CHST5: variants seen among roughly 807,000 people sequenced by gnomAD.
CHST5 encodes the protein carbohydrate sulfotransferase 5.
For synonymous variants in CHST5, 313 were observed against 279.2 expected, an observed-to-expected ratio of 1.12 and a Z score of -1.21; for missense variants, 637 against 602.1, an observed-to-expected ratio of 1.06 and a Z score of -0.61.
chr16:75,531,234 A>C lies in CHST5; in HGVS notation c.-850T>G, dbSNP rs149460876. On this transcript the variant is annotated 5_prime_UTR_variant, in exon 4 of 4. Coordinates refer to ENST00000336257, the MANE Select transcript of CHST5 (RefSeq NM_024533.5). The stretch of plus-strand genomic sequence containing the variant: ...CTACTCGGGAGGCTGAGGCAGGAGA[A>C]TGGCGTGAACCTGGGAGGCAGAGGT... The C allele has an allele frequency of 0.17, 97,537 of 558,726 alleles. 9,141 individuals are homozygous for C. Among genetic ancestry groups the C allele is most frequent in the East Asian group, 0.2 (1,335 of 6,666 alleles). The allele number at this position is 558,726 out of a possible 1,614,324, so 34.6% of individuals were successfully genotyped here.
In CHST5 at chr16:75,530,882, G is replaced by A. The variant is rs1448593630; in HGVS notation, c.-498C>T. On this transcript the variant is annotated 5_prime_UTR_variant, in exon 4 of 4. Transcript: ENST00000336257. ...CCGTGTGTGAAAGAGGGATAATTCC[G>A]GTACCTGGCTCACAGGATCTGGGGG... 7.0e-6 allele frequency: 7 copies of A among 1,001,314 alleles called. No homozygotes were observed. The highest frequency in any genetic ancestry group is 3.5e-5 in the African/African-American group (2 of 57,044). 62.0% of individuals were successfully genotyped at this position (1,001,314 alleles called of 1,614,324 possible).
In CHST5 at chr16:75,530,484, C is replaced by T; in HGVS notation, c.-100G>A. 6.9e-7 allele frequency: 1 copy of T among 1,450,858 alleles called. No individual in the cohort carries two copies. Among genetic ancestry groups the T allele is most frequent in the East Asian group, 2.5e-5 (1 of 40,026 alleles). 89.9% of individuals were successfully genotyped at this position (1,450,858 alleles called of 1,614,324 possible). A position where few individuals can be genotyped will look rare whatever the true frequency, so the allele number is the denominator to read the frequency against. ...CAAGACTCCCAAGGTCTCAGTCGAGCACTTTCCCAGGAATACGGAGTCAAG... is the reference window on the plus strand; with the variant it reads ...CAAGACTCCCAAGGTCTCAGTCGAGTACTTTCCCAGGAATACGGAGTCAAG... On this transcript the variant is annotated 5_prime_UTR_variant, in exon 4 of 4. Transcript: ENST00000336257.
Position 75,530,124 on chromosome 16 carries a change from G to A in CHST5, c.261C>T (p.Asp87=). 1.9e-6 allele frequency: 3 copies of A among 1,613,454 alleles called. No individual in the cohort carries two copies. The highest frequency in any genetic ancestry group is 2.2e-5 in the East Asian group (1 of 44,884). ...ACGCGGGCTCCATCAGGTAGAAGAC[G>A]TCGGGGTGCTGGCTGAAGAGCTGGC... ...FLGQLFSQHP[D]VFYLMEPAWH... Residue 87 remains aspartate, a synonymous_variant, in exon 4 of 4, where the codon GAC becomes GAT. Transcript: ENST00000336257.
rs188798614 is a variant in CHST5, at chr16:75,528,707, C to T, written c.*442G>A. On this transcript the variant is annotated 3_prime_UTR_variant, in exon 4 of 4. Coordinates refer to ENST00000336257, the MANE Select transcript of CHST5 (RefSeq NM_024533.5). ...GGATTACAGGAGTGTGCCACCACGCCGGACTAATTTTTGCATTTTTAGTAG... is the reference window on the plus strand; with the variant it reads ...GGATTACAGGAGTGTGCCACCACGCTGGACTAATTTTTGCATTTTTAGTAG... 110 of 159,748 alleles carry T rather than the reference C, an allele frequency of 6.9e-4. 1 individual carries two copies. Among genetic ancestry groups the T allele is most frequent in the African/African-American group, 8.9e-4 (37 of 41,586 alleles). The allele number at this position is 159,748 out of a possible 1,614,324, so 9.9% of individuals were successfully genotyped here.
Position 75,531,340 on chromosome 16 carries a change from AC to A in CHST5, c.-957del. On this transcript the variant is annotated 5_prime_UTR_variant, in exon 4 of 4. It introduces an in-frame stop codon into an upstream open reading frame of the 5' UTR. Coordinates refer to ENST00000336257, the MANE Select transcript of CHST5 (RefSeq NM_024533.5). ...CGTTTCAAAAAAAAAAAAAAAAACA[AC>A]AAAAAAAAAACTTTTGTCATTAAAG... 3.0e-6 allele frequency: 3 copies of A among 1,002,822 alleles called. No individual in the cohort carries two copies. Among genetic ancestry groups the A allele is most frequent in the South Asian group, 6.5e-5 (2 of 30,908 alleles). The allele number at this position is 1,002,822 out of a possible 1,614,324, so 62.1% of individuals were successfully genotyped here.
Position 75,531,458 on chromosome 16 carries a change from A to T in CHST5, c.-1074T>A, listed in dbSNP as rs2080521350. The T allele has an allele frequency of 8.0e-7, 1 of 1,253,328 alleles. No homozygotes were observed. The highest frequency in any genetic ancestry group is 1.0e-6 in the Non-Finnish European group (1 of 960,946). The allele number at this position is 1,253,328 out of a possible 1,614,324, so 77.6% of individuals were successfully genotyped here. A position where few individuals can be genotyped will look rare whatever the true frequency, so the allele number is the denominator to read the frequency against. On this transcript the variant is annotated 5_prime_UTR_variant, in exon 4 of 4. Coordinates refer to ENST00000336257, the MANE Select transcript of CHST5 (RefSeq NM_024533.5). Reference sequence around the variant, plus strand: ...TGTAGGCAGCATGGGCTCCAGAAGGAGGGTGTCCTGGAGCCCTGTGGGTTT... The same window carrying T: ...TGTAGGCAGCATGGGCTCCAGAAGGTGGGTGTCCTGGAGCCCTGTGGGTTT...
rs1165437684 is a variant in CHST5, at chr16:75,529,479, C to G, written c.906G>C (p.Pro302=). 2 of 1,611,886 alleles carry G rather than the reference C, an allele frequency of 1.2e-6. No homozygotes were observed. Among genetic ancestry groups the G allele is most frequent in the African/African-American group, 1.3e-5 (1 of 74,930 alleles). Residue 302 remains proline, a synonymous_variant, in exon 4 of 4, where the codon CCG becomes CCC. Transcript: ENST00000336257. ...LVRFEDLARE[P]LAEIRALYAF... ...CGTAGAGTGCGCGGATCTCTGCCAG[C>G]GGCTCCCGCGCCAGGTCCTCGAAGC...
chr16:75,528,762 G>A lies in CHST5; in HGVS notation c.*387C>T, dbSNP rs1316997579. On this transcript the variant is annotated 3_prime_UTR_variant, in exon 4 of 4. Coordinates refer to ENST00000336257, the MANE Select transcript of CHST5 (RefSeq NM_024533.5). ...GGGGTTTCACTATGTTGGCCAGGCT[G>A]GTTTCGAACTCCTGACCTCAGGTGA... 6.0e-6 allele frequency: 1 copy of A among 166,846 alleles called. No individual in the cohort carries two copies. The highest frequency in any genetic ancestry group is 1.3e-5 in the Non-Finnish European group (1 of 77,182). 10.3% of individuals were successfully genotyped at this position (166,846 alleles called of 1,614,324 possible).
intron 3 of CHST5, among the ~76,000 whole-genome samples, chr16:75,532,565 AG>A (rs2080532666): frequency 6.6e-6 from 1 of 152,078 alleles, no homozygotes; most frequent in Non-Finnish European, 1.5e-5. Flanking sequence ...GACAGGAGTG[AG>A]CGGAGGATGC....
At chr16:75,533,607 A>G (rs1209698554) in intron 2 of CHST5, among the ~76,000 whole-genome samples, 1 of 152,158 alleles carries the variant, frequency 6.6e-6, no homozygotes. Flanking sequence ...CACGAAATTA[A>G]AAAAGTAGAG....
chr16:75,535,923 A>G (rs2080558214), intron 1 of CHST5, among the ~76,000 whole-genome samples, 121 bp downstream of exon 1: 1 of 152,194 alleles, frequency 6.6e-6, no homozygotes. Context: ...GGCCCTAGTG[A>G]AGGAAGTCGA....
Position 75,529,672 on chromosome 16 carries a change from G to C in CHST5, c.713C>G (p.Pro238Arg), listed in dbSNP as rs746349892. The change falls in exon 4 of 4, where the codon CCG becomes CGG. Residue 238 changes from proline (P) to arginine (R), a missense_variant. Physicochemically the swap from Pro to Arg is moderately radical, Grantham distance 103 (BLOSUM62 -2). Transcript: ENST00000336257. ...GATGCCGTTGTCGCGTGCCAGTATC[G>C]GGCCCGCCGCCTCCCGGGAGCGCAG... Reference protein sequence around the residue: ...AVLRSREAAGPILARDNGIVL... With the variant: ...AVLRSREAAGRILARDNGIVL... 3 of 1,610,122 alleles carry C rather than the reference G, an allele frequency of 1.9e-6. No homozygotes were observed. Among genetic ancestry groups the C allele is most frequent in the East Asian group, 2.2e-5 (1 of 44,788 alleles).
In CHST5 at chr16:75,529,614, G is replaced by T; in HGVS notation, c.771C>A (p.Ala257=). 6.2e-7 allele frequency: 1 copy of T among 1,610,940 alleles called. No individual in the cohort carries two copies. Residue 257 remains alanine, a synonymous_variant, in exon 4 of 4, where the codon GCC becomes GCA. Transcript: ENST00000336257. ...CGCGAATCAGGCGCAGGTGAGGGTCGGCCTCCACCCACTTGCCGTTGGTGC... is the reference window on the plus strand; with the variant it reads ...CGCGAATCAGGCGCAGGTGAGGGTCTGCCTCCACCCACTTGCCGTTGGTGC... ...VLGTNGKWVE[A]DPHLRLIREV...
In CHST5 at chr16:75,530,594, A is replaced by C; in HGVS notation, c.-210T>G. On this transcript the variant is annotated 5_prime_UTR_variant, in exon 4 of 4. Transcript: ENST00000336257. ...ATATCATCAAACTGTCTACCTACCC[A>C]CCCACCCACCTACTTACATACCTAC... 3.5e-6 allele frequency: 5 copies of C among 1,416,156 alleles called. No individual in the cohort carries two copies. Among genetic ancestry groups the C allele is most frequent in the Non-Finnish European group, 4.6e-6 (5 of 1,083,598 alleles). The allele number at this position is 1,416,156 out of a possible 1,614,324, so 87.7% of individuals were successfully genotyped here. A position where few individuals can be genotyped will look rare whatever the true frequency, so the allele number is the denominator to read the frequency against.
intron 1 of CHST5, among the ~76,000 whole-genome samples, chr16:75,535,752 G>A (rs1043371760): frequency 2.6e-5 from 4 of 152,160 alleles, no homozygotes; most frequent in African/African-American, 7.2e-5. Context: ...CAGAGCAGGA[G>A]GGCCCAGGTG....
At position 75,531,685 on chromosome 16, in the gene CHST5, C is replaced by T. The variant is rs1432147737; in HGVS notation, c.-1256-45G>A. ...AGGAGATCAGAGCCCTACAGAGAGA[C>T]AGCCCTGTACATAGAAAGCTCCCCA... On this transcript the variant is annotated intron_variant, in intron 3 of 3. Transcript: ENST00000336257. 2.4e-6 allele frequency: 3 copies of T among 1,266,570 alleles called. No individual in the cohort carries two copies. In the African/African-American group the frequency reaches 4.6e-5, roughly 20 times the overall value. The allele number at this position is 1,266,570 out of a possible 1,614,324, so 78.5% of individuals were successfully genotyped here.
rs1386529620 is a variant in CHST5 at position 75,529,188 on chromosome 16, T to A, written c.1197A>T (p.Pro399=). Residue 399 remains proline (P), a synonymous_variant, in exon 4 of 4, where the codon CCA becomes CCT. Transcript: ENST00000336257. ...QRDLTLDLVL[P]RGPDHFSWAS... ...CCCAGCTGAAGTGGTCTGGGCCTCG[T>A]GGCAGCACCAGATCCAGGGTGAGGT... 1 of 1,605,510 alleles carries A rather than the reference T, an allele frequency of 6.2e-7. No individual in the cohort carries two copies. The highest frequency in any genetic ancestry group is 8.5e-7 in the Non-Finnish European group (1 of 1,175,044).
rs2738792 is a variant in CHST5, at chr16:75,531,386, G to T, written c.-1002C>A. The T allele has an allele frequency of 1.8e-6, 2 of 1,087,362 alleles. No individual in the cohort carries two copies. The highest frequency in any genetic ancestry group is 2.3e-6 in the Non-Finnish European group (2 of 882,098). The allele number at this position is 1,087,362 out of a possible 1,614,324, so 67.4% of individuals were successfully genotyped here. A position where few individuals can be genotyped will look rare whatever the true frequency, so the allele number is the denominator to read the frequency against. On this transcript the variant is annotated 5_prime_UTR_variant, in exon 4 of 4. Coordinates refer to ENST00000336257, the MANE Select transcript of CHST5 (RefSeq NM_024533.5). Reference sequence around the variant, plus strand: ...TTAAAGATAAACAAGTAAATAAAGTGGACAAAGAACAGCAACTGTTGTCAT... The same window carrying T: ...TTAAAGATAAACAAGTAAATAAAGTTGACAAAGAACAGCAACTGTTGTCAT...
chr16:75,532,068 C>A (rs185896352), intron 3 of CHST5, among the ~76,000 whole-genome samples: 3 of 152,156 alleles, frequency 2.0e-5, no homozygotes, highest in African/African-American at 7.2e-5. Flanking sequence ...GCTGCAAACA[C>A]CTATGAGGGG....
Sources: allele counts gnomAD v4.1 joint callset (sites outside exome capture counted in the v4.1 genomes callset), GRCh38; gene constraint gnomAD v4.1.1; transcripts MANE v1.5; gene names NCBI Gene and HGNC (gene_info 2026-07-23, HGNC 2026-07-21).